ILRUN: variants seen among roughly 807,000 people sequenced by gnomAD.
ILRUN encodes inflammation and lipid regulator with UBA-like and NBR1-like domains, also known as protein ILRUN.
Under a neutral mutation model 33.8 loss-of-function variants are expected in ILRUN, and 3 were observed. That is an observed-to-expected ratio of 0.09 (90% CI 0.04 to 0.23). The LOEUF (loss-of-function observed/expected upper bound fraction) is 0.23. ILRUN is among the 10% of genes least tolerant of loss of function. ILRUN has a pLI of 1.00. For synonymous variants in ILRUN, 124 were observed against 138.9 expected (o/e 0.89, Z 0.75); for missense variants, 210 against 375.1 (o/e 0.56, Z 3.64).
At chr6:34,651,061 C>T (rs1054933158) in intron 2 of ILRUN, among the ~76,000 whole-genome samples, 2 of 152,112 alleles carry the variant, frequency 1.3e-5, no homozygotes, top group Non-Finnish European at 2.9e-5. Flanking sequence ...ATGCCAAAAA[C>T]CTGTGCACAT....
Position 34,668,381 on chromosome 6 carries a change from T to A in ILRUN, c.159-13602A>T, listed in dbSNP as rs572044177. ...AAAAATTCAAATGTACATCAACTTA[T>A]ATATTGATATAATGATCTGTGATCC... is the stretch of plus-strand genomic sequence containing the variant. On this transcript the variant is annotated intron_variant, in intron 1 of 4. Coordinates refer to ENST00000374023, the MANE Select transcript of ILRUN (RefSeq NM_024294.4). Among the ~76,000 whole-genome samples, 23 of 152,308 alleles carry A rather than the reference T, an allele frequency of 1.5e-4. No homozygotes were observed. The East Asian group carries it at 4.2e-3, about 28-fold the overall frequency.
rs368677239 is a variant in ILRUN at position 34,665,761 on chromosome 6, A to C, written c.159-10982T>G. ...ATTAAAAAGGAAAAAAATGCCAAAA[A>C]AACAAAATTATGAACCAACATTCCA... On this transcript the variant is annotated intron_variant, in intron 1 of 4. Transcript: ENST00000374023. 6.6e-5 allele frequency among the ~76,000 whole-genome samples: 10 copies of C among 152,236 alleles called. No homozygotes were observed. The East Asian group carries it at 9.7e-4, about 15-fold the overall frequency.
At chr6:34,686,204 TAA>T (rs964839870) in intron 1 of ILRUN, among the ~76,000 whole-genome samples, 9 of 152,090 alleles carry the variant, frequency 5.9e-5, no homozygotes, top group African/African-American at 1.4e-4. Flanking sequence ...CCAGAATATA[TAA>T]AGACTTCTTA....
intron 4 of ILRUN, among the ~76,000 whole-genome samples, chr6:34,596,686 G>A (rs774828998): frequency 2.6e-5 from 4 of 152,246 alleles, no homozygotes; most frequent in Non-Finnish European, 2.9e-5. Context: ...GAGAATGAGC[G>A]TGAGAACCAG....
At chr6:34,593,808 A>G (rs205265) in intron 4 of ILRUN, among the ~76,000 whole-genome samples, 24,148 of 152,112 alleles carry the variant, frequency 0.16, 2,569 homozygotes, top group African/African-American at 0.3. Context: ...TCCCCCACAC[A>G]CAGTATCATA....
Position 34,620,609 on chromosome 6 carries a change from T to TAGA in ILRUN, c.512-13708_512-13706dup, listed in dbSNP as rs34400466. 5.4e-3 allele frequency among the ~76,000 whole-genome samples: 827 copies of TAGA among 152,210 alleles called. 3 individuals carry two copies. Among genetic ancestry groups the TAGA allele is most frequent in the Middle Eastern group, 0.01 (3 of 294 alleles). On this transcript the variant is annotated intron_variant, in intron 3 of 4. Coordinates refer to ENST00000374023, the MANE Select transcript of ILRUN (RefSeq NM_024294.4). Reference sequence around the variant, plus strand: ...CCTCCAGCCTCCCAGGAGGCTAAGGTAGAAGGATCACTTGAGCCCACAAGT... The same window carrying TAGA: ...CCTCCAGCCTCCCAGGAGGCTAAGGTAGAAGAAGGATCACTTGAGCCCACAAGT...
chr6:34,616,424 A>T (rs1761893587), intron 3 of ILRUN: 3 of 540,606 alleles, frequency 5.5e-6, no homozygotes, highest in Middle Eastern at 5.0e-4. Context: ...TCTCTATAGA[A>T]AAGCTGGGTG....
intron 3 of ILRUN, among the ~76,000 whole-genome samples, chr6:34,644,529 G>T (rs1045258925): frequency 3.9e-5 from 6 of 152,064 alleles, no homozygotes; most frequent in African/African-American, 1.5e-4. Flanking sequence ...CAGGTCAAGG[G>T]GATTCTTAGC....
At chr6:34,643,408 C>T (rs9461994) in intron 3 of ILRUN, among the ~76,000 whole-genome samples, 24,194 of 152,022 alleles carry the variant, frequency 0.16, 2,533 homozygotes, top group African/African-American at 0.29. Context: ...CTGCTCATTC[C>T]TCTCATCAAG....
At chr6:34,640,634 C>T (rs768166346) in intron 3 of ILRUN, among the ~76,000 whole-genome samples, 20 of 151,362 alleles carry the variant, frequency 1.3e-4, no homozygotes, top group African/African-American at 3.6e-4. Flanking sequence ...TGCTTGAACC[C>T]GGGAAGCAGA....
At chr6:34,631,485 G>A (rs929896193) in intron 3 of ILRUN, among the ~76,000 whole-genome samples, 4 of 152,084 alleles carry the variant, frequency 2.6e-5, no homozygotes, top group East Asian at 3.9e-4. Flanking sequence ...GTACCACCAC[G>A]CCCGGCTAAT....
At chr6:34,664,601 T>C (rs1472924369) in intron 1 of ILRUN, among the ~76,000 whole-genome samples, 1 of 152,246 alleles carries the variant, frequency 6.6e-6, no homozygotes, top group South Asian at 2.1e-4. Flanking sequence ...TAAACTGTCA[T>C]GGATACTTCC....
chr6:34,647,002 C>T (rs9469836), intron 2 of ILRUN, among the ~76,000 whole-genome samples: 1 of 151,798 alleles, frequency 6.6e-6, no homozygotes, highest in Admixed American at 6.6e-5. Flanking sequence ...ATAGTCTAAC[C>T]CTATGAAGAA....
At chr6:34,689,118 G>A (rs571939493) in intron 1 of ILRUN, among the ~76,000 whole-genome samples, 44 of 152,256 alleles carry the variant, frequency 2.9e-4, no homozygotes, top group African/African-American at 9.2e-4. Context: ...ACAAGAGAGT[G>A]GTGGTGGTTG....
intron 1 of ILRUN, among the ~76,000 whole-genome samples, chr6:34,664,261 T>C (rs1762952125): frequency 6.6e-6 from 1 of 152,234 alleles, no homozygotes; most frequent in Non-Finnish European, 1.5e-5. Context: ...CTTTACTGTA[T>C]ATTTGAAAAT....
chr6:34,673,638 G>C (rs2395599), intron 1 of ILRUN, among the ~76,000 whole-genome samples: 67,724 of 151,960 alleles, frequency 0.45, 17,124 homozygotes, highest in African/African-American at 0.7. Flanking sequence ...GCAAAAGGAT[G>C]GCTTGAGCTC....
intron 4 of ILRUN, among the ~76,000 whole-genome samples, chr6:34,597,506 C>T (rs540565556): frequency 6.6e-6 from 1 of 152,286 alleles, no homozygotes; most frequent in East Asian, 1.9e-4. Context: ...CTCAGAATTT[C>T]GATTAAAGCT....
intron 1 of ILRUN, among the ~76,000 whole-genome samples, chr6:34,667,158 GAC>G (rs2127375056): frequency 6.6e-6 from 1 of 152,282 alleles, no homozygotes; most frequent in African/African-American, 2.4e-5. Context: ...GTCTCTCAAA[GAC>G]AGAAAAGCAG....
intron 1 of ILRUN, among the ~76,000 whole-genome samples, chr6:34,668,199 C>T (rs1347497149): frequency 6.6e-6 from 1 of 152,172 alleles, no homozygotes; most frequent in Non-Finnish European, 1.5e-5. Context: ...CTTTGGAAAA[C>T]AGTTTAGCAG....
Sources: gnomAD v4.1 joint callset for allele counts (sites outside exome capture counted in the v4.1 genomes callset) on GRCh38, gnomAD v4.1.1 for gene constraint, MANE v1.5 for transcripts, NCBI Gene and HGNC (gene_info 2026-07-23, HGNC 2026-07-21) for gene names.